Variants in ARHGAP32 observed in about 807,000 individuals in gnomAD.
ARHGAP32 encodes rho GTPase-activating protein 32.
Under a neutral mutation model 186.5 loss-of-function variants are expected in ARHGAP32, and 51 were observed. The ratio of observed to expected loss-of-function variants is 0.27; its 90% CI spans 0.22 to 0.35. ARHGAP32 has a LOEUF of 0.35. ARHGAP32 is among the 10% of genes least tolerant of loss of function. The pLI is 1.00. For missense variants in ARHGAP32, 2,186 were observed against 2,623.5 expected, an observed-to-expected ratio of 0.83 and a Z score of 3.64; for synonymous variants, 950 against 964.3, an observed-to-expected ratio of 0.99 and a Z score of 0.27.
chr11:129,279,202 C>T (rs940010352), exon 1 of ARHGAP32: 3 of 143,834 alleles, frequency 2.1e-5, no homozygotes, highest in Non-Finnish European at 3.1e-5. Context: ...CTGGCCGCTC[C>T]GTGTCTGCCC....
At chr11:129,111,708 A>G (rs1942221474) in intron 5 of ARHGAP32, among the ~76,000 whole-genome samples, 1 of 151,742 alleles carries the variant, frequency 6.6e-6, no homozygotes, top group African/African-American at 2.4e-5. Context: ...CAGTCTCATG[A>G]CCTTTTGTAT....
At chr11:129,142,354 C>T (rs1399207312) in intron 2 of ARHGAP32, among the ~76,000 whole-genome samples, 1 of 152,158 alleles carries the variant, frequency 6.6e-6, no homozygotes, top group Non-Finnish European at 1.5e-5. Context: ...GATGTCCCAA[C>T]TCCAGATCTA....
chr11:129,151,824 C>T (rs142625898), intron 2 of ARHGAP32, among the ~76,000 whole-genome samples: 113 of 152,076 alleles, frequency 7.4e-4, no homozygotes, highest in African/African-American at 2.6e-3. Context: ...GAAACACGAA[C>T]AAACCAAACC....
At chr11:129,072,737 G>A (rs1283275880) in intron 6 of ARHGAP32, among the ~76,000 whole-genome samples, 1 of 152,112 alleles carries the variant, frequency 6.6e-6, no homozygotes, top group Non-Finnish European at 1.5e-5. Flanking sequence ...ACCCCGTCAC[G>A]GGAGCCACAC....
At chr11:129,081,031 T>C (rs622814) in intron 6 of ARHGAP32, among the ~76,000 whole-genome samples, 17,942 of 151,894 alleles carry the variant, frequency 0.12, 1,257 homozygotes, top group South Asian at 0.32. Flanking sequence ...CCTGGAAATA[T>C]ATTATACAAC....
chr11:129,043,428 C>T (rs1298843417), intron 10 of ARHGAP32, among the ~76,000 whole-genome samples: 10 of 144,008 alleles, frequency 6.9e-5, no homozygotes, highest in Non-Finnish European at 4.5e-5. Context: ...TTCTTGTTGC[C>T]CAGTCTGAAG....
intron 6 of ARHGAP32, among the ~76,000 whole-genome samples, chr11:129,088,631 G>T (rs182589414): frequency 6.6e-6 from 1 of 152,082 alleles, no homozygotes; most frequent in Non-Finnish European, 1.5e-5. Context: ...TTTCCAAACA[G>T]ACTGAATAAA....
At chr11:129,005,256 G>A (rs1937701020) in intron 11 of ARHGAP32, among the ~76,000 whole-genome samples, 1 of 151,806 alleles carries the variant, frequency 6.6e-6, no homozygotes, top group African/African-American at 2.4e-5. Context: ...TTTTTTATTG[G>A]TTTATCATTT....
chr11:128,980,165 A>C (rs1945667621), intron 18 of ARHGAP32, among the ~76,000 whole-genome samples: 3 of 152,238 alleles, frequency 2.0e-5, no homozygotes, highest in African/African-American at 7.2e-5. Flanking sequence ...ATGTGAAACC[A>C]ATGTCAAACA....
intron 1 of ARHGAP32, among the ~76,000 whole-genome samples, chr11:129,191,372 C>G (rs1226815287): frequency 6.6e-6 from 1 of 151,778 alleles, no homozygotes; most frequent in African/African-American, 2.4e-5. Flanking sequence ...TGCAACAGTA[C>G]AACAGAATGA....
At chr11:129,261,927 A>C (rs1441146140) in intron 1 of ARHGAP32, among the ~76,000 whole-genome samples, 1 of 152,194 alleles carries the variant, frequency 6.6e-6, no homozygotes, top group African/African-American at 2.4e-5. Flanking sequence ...TCAAGTTCTG[A>C]TGATTTTTAC....
chr11:129,038,636 G>A (rs558380048), intron 11 of ARHGAP32, among the ~76,000 whole-genome samples: 1 of 151,744 alleles, frequency 6.6e-6, no homozygotes, highest in Non-Finnish European at 1.5e-5. Context: ...TTAAAAACTG[G>A]GCAAAAGTGG....
At chr11:129,010,355 G>C (rs112312202) in intron 11 of ARHGAP32, among the ~76,000 whole-genome samples, 1 of 152,310 alleles carries the variant, frequency 6.6e-6, no homozygotes, top group African/African-American at 2.4e-5. Flanking sequence ...TTTTCGTCAT[G>C]AAATCTTTGC....
At chr11:129,093,597 T>C in intron 6 of ARHGAP32, 24 bp downstream of exon 6, 1 of 1,519,884 alleles carries the variant, frequency 6.6e-7, no homozygotes, top group South Asian at 1.2e-5. Context: ...TCATATGAAA[T>C]GGAGAATACA....
At chr11:129,264,561 G>GT (rs1256885097) in intron 1 of ARHGAP32, among the ~76,000 whole-genome samples, 15 of 152,162 alleles carry the variant, frequency 9.9e-5, no homozygotes, top group African/African-American at 3.6e-4. Context: ...TAGGACAGAT[G>GT]TTTATCATTT....
intron 2 of ARHGAP32, among the ~76,000 whole-genome samples, chr11:129,130,387 C>T (rs780043927): frequency 1.4e-4 from 21 of 151,332 alleles, no homozygotes; most frequent in Non-Finnish European, 2.7e-4. Flanking sequence ...AAAATAAACA[C>T]AATAATAAAT....
At chr11:129,100,708 C>T (rs1040801254) in intron 5 of ARHGAP32, among the ~76,000 whole-genome samples, 1 of 152,134 alleles carries the variant, frequency 6.6e-6, no homozygotes, top group Non-Finnish European at 1.5e-5. Context: ...ACAGCGAATC[C>T]TCTCCCACCC....
intron 6 of ARHGAP32, among the ~76,000 whole-genome samples, chr11:129,072,259 T>C (rs990681008): frequency 7.9e-5 from 12 of 152,238 alleles, no homozygotes; most frequent in African/African-American, 1.9e-4. Context: ...TTTTTTGTTA[T>C]ACGCTTTTTA....
At chr11:129,188,780 T>A (rs1944216461) in intron 1 of ARHGAP32, among the ~76,000 whole-genome samples, 1 of 152,184 alleles carries the variant, frequency 6.6e-6, no homozygotes, top group Non-Finnish European at 1.5e-5. Context: ...ATTGCCTTAA[T>A]AATGGAGATA....
Sources: allele counts gnomAD v4.1 joint callset (sites outside exome capture counted in the v4.1 genomes callset), GRCh38; gene constraint gnomAD v4.1.1; transcripts MANE v1.5; gene names NCBI Gene and HGNC (gene_info 2026-07-23, HGNC 2026-07-21).